The following TTN variants were observed in gnomAD, a reference collection of about 807,000 sequenced individuals.
TTN encodes connectin.
In TTN, 1,525 loss-of-function variants were observed where a neutral mutation model predicts 3,223.0. That is an observed-to-expected ratio of 0.47 (90% CI 0.45 to 0.49). The LOEUF (loss-of-function observed/expected upper bound fraction) is 0.49, where lower values mean the gene tolerates loss of function less well. TTN is among the 20% of genes least tolerant of loss of function. TTN has a pLI of 0.00. For synonymous variants in TTN, 14,094 were observed against 15,161.0 expected, an observed-to-expected ratio of 0.93 and a Z score of 5.17; for missense variants, 40,786 against 43,424.0, an observed-to-expected ratio of 0.94 and a Z score of 5.40.
intron 72 of TTN, 48 bp from the exon 73 acceptor site, chr2:178,724,191 G>T: frequency 6.3e-7 from 1 of 1,584,358 alleles, no homozygotes; most frequent in East Asian, 2.2e-5. Flanking sequence ...AAGAATAGAA[G>T]AGACTTGAAA....
rs72650036 is a variant in TTN, at chr2:178,681,707, G to A, written c.33126C>T (p.Val11042=). The A allele has an allele frequency of 2.7e-5, 44 of 1,605,028 alleles. No homozygotes were observed. In the Middle Eastern group the frequency reaches 1.2e-3, roughly 42 times the overall value. The change falls in exon 136 of 363, where the codon GTC becomes GTT. Residue 11042 remains valine, a synonymous_variant. Transcript: ENST00000589042. ...GTTTTGTGGGAACTGGTTCTTCTGG[G>A]ACAGGCTTTACAGGGATAGGCTTCT... ...EPEKPIPVKP[V]PEEPVPTKPK...
Position 178,691,875 on chromosome 2 carries a change from C to T in TTN, c.31762+141G>A, listed in dbSNP as rs1379451902. On this transcript the variant is annotated intron_variant, in intron 121 of 362. Transcript: ENST00000589042. The stretch of plus-strand genomic sequence containing the variant: ...AATAAAGTATGTCAAGAGCATGGCA[C>T]GGAAGCTGACAAACAGTAAAAACAC... 1.7e-5 allele frequency: 10 copies of T among 577,126 alleles called. No individual in the cohort carries two copies. The Middle Eastern group carries it at 8.2e-4, about 47-fold the overall frequency. 35.8% of individuals were successfully genotyped at this position (577,126 alleles called of 1,614,324 possible). A position where few individuals can be genotyped will look rare whatever the true frequency, so the allele number is the denominator to read the frequency against.
In TTN at chr2:178,526,251, A is replaced by C. The variant is rs1686374536; in HGVS notation, c.*761T>G. On this transcript the variant is annotated 3_prime_UTR_variant, in exon 363 of 363. Coordinates refer to ENST00000589042, the MANE Select transcript of TTN (RefSeq NM_001267550.2). ...ACTACCACACAAAGGCATTGGCTGCACTCTGGGACCTCCAAGAGTTGGCAC... is the reference window on the plus strand; with the variant it reads ...ACTACCACACAAAGGCATTGGCTGCCCTCTGGGACCTCCAAGAGTTGGCAC... 6.6e-6 allele frequency: 1 copy of C among 152,602 alleles called. No homozygotes were observed. Among genetic ancestry groups the C allele is most frequent in the Non-Finnish European group, 1.5e-5 (1 of 68,030 alleles). The allele number at this position is 152,602 out of a possible 1,614,324, so 9.5% of individuals were successfully genotyped here. A position where few individuals can be genotyped will look rare whatever the true frequency, so the allele number is the denominator to read the frequency against.
At chr2:178,780,293 G>A (rs1034827050) in intron 21 of TTN, 88 bp from the exon 22 acceptor site, 7 of 1,266,866 alleles carry the variant, frequency 5.5e-6, no homozygotes, top group Middle Eastern at 2.3e-4. Flanking sequence ...CTACACTGGG[G>A]AAAGTTGATA....
At chr2:178,678,865 T>C in intron 142 of TTN, 35 bp from the exon 143 acceptor site, 5 of 1,542,786 alleles carry the variant, frequency 3.2e-6, no homozygotes, top group Non-Finnish European at 4.4e-6. Flanking sequence ...GTGTCACATT[T>C]TTTACCCATA....
Position 178,548,783 on chromosome 2 carries a change from G to T in TTN, c.92843C>A (p.Ala30948Asp). 1.9e-6 allele frequency: 3 copies of T among 1,612,946 alleles called. No homozygotes were observed. Among genetic ancestry groups the T allele is most frequent in the Non-Finnish European group, 1.7e-6 (2 of 1,179,784 alleles). The change falls in exon 339 of 363, where the codon GCC (alanine) becomes GAC (aspartate). Residue 30948 changes from alanine (A) to aspartate (D), a missense_variant. Coordinates refer to ENST00000589042, the MANE Select transcript of TTN (RefSeq NM_001267550.2). The surrounding 1 kb of genome is among the most constrained non-coding windows in gnomAD (Gnocchi z 4.3). ...RAGASIRLFI[A>D]YQGRPTPTAV... The stretch of plus-strand genomic sequence containing the variant: ...TGTAGGAGTAGGTCTACCTTGGTAG[G>T]CAATGAAGAGGCGAATACTGGCCCC...
At position 178,722,432 on chromosome 2, in the gene TTN, C is replaced by T; in HGVS notation, c.22355G>A (p.Trp7452Ter). The change falls in exon 77 of 363, where the codon TGG becomes TAG. Residue 7452 changes from tryptophan to a stop codon, truncating the protein, a stop_gained. Coordinates refer to ENST00000589042, the MANE Select transcript of TTN (RefSeq NM_001267550.2). LOFTEE classifies it high-confidence loss of function. ...TCTTAAAAGTACTCCATCTCTATAC[C>T]AGCACACTTGGATGGGTGCAGAGCC... is the stretch of plus-strand genomic sequence containing the variant. ...LNGSAPIQVC[W>*]YRDGVLLRDD... is the part of the protein sequence containing the mutation. 1 of 1,613,366 alleles carries T rather than the reference C, an allele frequency of 6.2e-7. No individual in the cohort carries two copies. The highest frequency in any genetic ancestry group is 8.5e-7 in the Non-Finnish European group (1 of 1,179,532).
At chr2:178,624,791 C>G in intron 241 of TTN, 60 bp from the exon 242 acceptor site, 1 of 1,580,758 alleles carries the variant, frequency 6.3e-7, no homozygotes, top group Non-Finnish European at 8.6e-7. Flanking sequence ...GTTTTGGTAC[C>G]TTCTCAACTT....
chr2:178,717,189 A>T lies in TTN; in HGVS notation c.25545T>A (p.Val8515=). ...CGGCATCGCCTTTGCCTACTTTGAG[A>T]ACTGTCAGAGTGGCAGTATTTTCTA... ...TLVENTATLT[V]LKVGKGDAGQ... is the part of the protein sequence containing the mutation. The change falls in exon 88 of 363, where the codon GTT becomes GTA. Residue 8515 remains valine (V), a synonymous_variant. Transcript: ENST00000589042. 6.2e-7 allele frequency: 1 copy of T among 1,613,650 alleles called. No individual in the cohort carries two copies. Among genetic ancestry groups the T allele is most frequent in the Non-Finnish European group, 8.5e-7 (1 of 1,179,672 alleles).
Position 178,589,054 on chromosome 2 carries a change from C to T in TTN, c.62671G>A (p.Asp20891Asn), listed in dbSNP as rs2049675533. ...TAATTTTGGATTTCACAGCCACCAT[C>T]ATCTTCTGGTGGATCCCAGCAAACA... Reference protein sequence around the residue: ...CTVCWDPPEDDGGCEIQNYIL... With the variant: ...CTVCWDPPEDNGGCEIQNYIL... Residue 20891 changes from aspartate (D) to asparagine (N), a missense_variant, in exon 304 of 363, where the codon GAT becomes AAT. Physicochemically the swap from Asp to Asn is conservative, Grantham distance 23 (BLOSUM62 1). Coordinates refer to ENST00000589042, the MANE Select transcript of TTN (RefSeq NM_001267550.2). The T allele has an allele frequency of 1.2e-6, 2 of 1,609,368 alleles. No homozygotes were observed. Among genetic ancestry groups the T allele is most frequent in the Non-Finnish European group, 1.7e-6 (2 of 1,179,568 alleles).
Position 178,589,913 on chromosome 2 carries a change from G to A in TTN, c.61812C>T (p.Phe20604=). The change falls in exon 304 of 363, where the codon TTC becomes TTT. Residue 20604 remains phenylalanine, a synonymous_variant. Coordinates refer to ENST00000589042, the MANE Select transcript of TTN (RefSeq NM_001267550.2). ...LDNGGSEITN[F]IVEYRKPNQK... is the part of the protein sequence containing the mutation. ...GGTTTGGTTTGCGATATTCTACTAT[G>A]AAGTTTGTTATTTCTGAGCCACCAT... 1 of 1,613,288 alleles carries A rather than the reference G, an allele frequency of 6.2e-7. No individual in the cohort carries two copies.
intron 242 of TTN, among the ~76,000 whole-genome samples, chr2:178,623,042 T>A (rs1430666713): frequency 6.6e-6 from 1 of 151,920 alleles, no homozygotes; most frequent in Admixed American, 6.6e-5. Flanking sequence ...CCATCTCAGT[T>A]CTTTTGAATA....
rs763447020 is a variant in TTN, at chr2:178,611,229, A to G, written c.50900T>C (p.Ile16967Thr). Residue 16967 changes from isoleucine to threonine, a missense_variant, in exon 270 of 363, where the codon ATT (isoleucine) becomes ACT (threonine). Coordinates refer to ENST00000589042, the MANE Select transcript of TTN (RefSeq NM_001267550.2). ...IDLETHDIIV[I>T]EGEKLSIPVP... is the part of the protein sequence containing the mutation. ...AGGAATGCTTAACTTTTCACCTTCA[A>G]TAACAATAATGTCATGAGTCTCCAG... 6 of 1,612,610 alleles carry G rather than the reference A, an allele frequency of 3.7e-6. No individual in the cohort carries two copies. Among genetic ancestry groups the G allele is most frequent in the African/African-American group, 1.3e-5 (1 of 74,978 alleles).
At chr2:178,559,197 G>T in intron 326 of TTN, 114 bp downstream of exon 326, 2 of 954,010 alleles carry the variant, frequency 2.1e-6, no homozygotes, top group Non-Finnish European at 3.1e-6. Context: ...TTTGGGGTGT[G>T]AAGGGTGTGA....
At position 178,757,732 on chromosome 2, in the gene TTN, G is replaced by A. The variant is rs562624676; in HGVS notation, c.10488C>T (p.Ile3496=). 6.2e-7 allele frequency: 1 copy of A among 1,613,854 alleles called. No homozygotes were observed. The highest frequency in any genetic ancestry group is 2.2e-5 in the East Asian group (1 of 44,852). Residue 3496 remains isoleucine, a synonymous_variant, in exon 45 of 363, where the codon ATC becomes ATT. Coordinates refer to ENST00000589042, the MANE Select transcript of TTN (RefSeq NM_001267550.2). ...ARVSGIPKPE[I]QWFHNQQLIL... ...TTAGCTGCTGGTTATGAAACCATTGGATTTCTGGCTTGGGAATGCCAGAAA... is the reference window on the plus strand; with the variant it reads ...TTAGCTGCTGGTTATGAAACCATTGAATTTCTGGCTTGGGAATGCCAGAAA...
At position 178,686,113 on chromosome 2, in the gene TTN, A is replaced by ATTTTTTTTTTTTTTTTTTTT. The variant is rs765570520; in HGVS notation, c.32312-535_32312-516dup. On this transcript the variant is annotated intron_variant, in intron 127 of 362. Coordinates refer to ENST00000589042, the MANE Select transcript of TTN (RefSeq NM_001267550.2). ...TTGAGCCTAAGTGTATACAGTTTTA[A>ATTTTTTTTTTTTTTTTTTTT]TTTTTTTTTTTTTTTTTTTTTTTTT... Among the ~76,000 whole-genome samples, 59 of 77,794 alleles carry ATTTTTTTTTTTTTTTTTTTT rather than the reference A, an allele frequency of 7.6e-4. 7 individuals are homozygous for ATTTTTTTTTTTTTTTTTTTT. The highest frequency in any genetic ancestry group is 2.1e-3 in the African/African-American group (32 of 15,084). The allele number at this position is 77,794 out of a possible 152,430, so 51.0% of individuals were successfully genotyped here. A position where few individuals can be genotyped will look rare whatever the true frequency, so the allele number is the denominator to read the frequency against.
rs1482977483 is a variant in TTN at position 178,590,171 on chromosome 2, G to A, written c.61554C>T (p.Val20518=). Residue 20518 remains valine (V), a synonymous_variant, in exon 304 of 363, where the codon GTC becomes GTT. Coordinates refer to ENST00000589042, the MANE Select transcript of TTN (RefSeq NM_001267550.2). The part of the protein sequence containing the change: ...ITWTKEGKVL[V]REKRVDLIQD... ...GAATAAGGTCCACCCTCTTTTCTCG[G>A]ACCAATACTTTGCCTTCCTTAGTCC... 2 of 1,612,326 alleles carry A rather than the reference G, an allele frequency of 1.2e-6. No homozygotes were observed. Among genetic ancestry groups the A allele is most frequent in the East Asian group, 2.2e-5 (1 of 44,770 alleles).
At chr2:178,545,313 A>G in intron 344 of TTN, 75 bp downstream of exon 344, 1 of 1,378,022 alleles carries the variant, frequency 7.3e-7, no homozygotes, top group East Asian at 2.4e-5. Context: ...AAATTCTTAG[A>G]GATTGTGTGT....
rs780089189 is a variant in TTN, at chr2:178,579,775, C to A, written c.67422G>T (p.Lys22474Asn). 1.2e-6 allele frequency: 2 copies of A among 1,613,286 alleles called. No individual in the cohort carries two copies. Among genetic ancestry groups the A allele is most frequent in the Admixed American group, 3.3e-5 (2 of 59,978 alleles). ...SKSSCSIGWK[K>N]PHSDGGSRII... Reference sequence around the variant, plus strand: ...TCCGACTTCCACCATCACTGTGAGGCTTTTTCCAGCCAATGCTACAGGATG... The same window carrying A: ...TCCGACTTCCACCATCACTGTGAGGATTTTTCCAGCCAATGCTACAGGATG... Residue 22474 changes from lysine to asparagine, a missense_variant, in exon 319 of 363, where the codon AAG (lysine) becomes AAT (asparagine). Physicochemically the swap from Lys to Asn is moderately conservative, Grantham distance 94. Coordinates refer to ENST00000589042, the MANE Select transcript of TTN (RefSeq NM_001267550.2).
Sources: gnomAD v4.1 joint callset for allele counts (sites outside exome capture counted in the v4.1 genomes callset) on GRCh38, gnomAD v4.1.1 for gene constraint, Gnocchi (gnomAD v3.1) non-coding constraint, MANE v1.5 for transcripts, NCBI Gene and HGNC (gene_info 2026-07-23, HGNC 2026-07-21) for gene names.